The following MATCAP2 variants were observed in gnomAD, a reference collection of about 807,000 sequenced individuals.
MATCAP2 encodes the protein putative tyrosine carboxypeptidase MATCAP2.
At chr7:36,347,939 C>G in the MATCAP2 span, among the ~76,000 whole-genome samples, 1 of 152,182 alleles carries the variant, frequency 6.6e-6, no homozygotes, top group African/African-American at 2.4e-5. Flanking sequence ...AAGCAGTCAA[C>G]AAGATACTGT....
chr7:36,385,787 A>AAAAATAAAAT, the MATCAP2 span, among the ~76,000 whole-genome samples: 11,231 of 119,272 alleles, frequency 0.094, 700 homozygotes, highest in South Asian at 0.12. Context: ...CCCTATTTCA[A>AAAAATAAAAT]AAAATAAAAT....
chr7:36,384,367 G>A, the MATCAP2 span, among the ~76,000 whole-genome samples: 2 of 152,088 alleles, frequency 1.3e-5, no homozygotes, highest in South Asian at 4.1e-4. Flanking sequence ...TAAATAAGTA[G>A]GGAAGACACT....
the MATCAP2 span, chr7:36,366,972 G>T: frequency 7.4e-7 from 1 of 1,343,130 alleles, no homozygotes; most frequent in African/African-American, 1.5e-5. Flanking sequence ...GGCGGGCTCC[G>T]CGGGCTCAGG....
chr7:36,329,163 T>TAATC, the MATCAP2 span, among the ~76,000 whole-genome samples: 3 of 152,220 alleles, frequency 2.0e-5, no homozygotes, highest in South Asian at 2.1e-4. Context: ...CCACTAAATG[T>TAATC]AATCAAAATA....
At chr7:36,346,948 A>C in the MATCAP2 span, among the ~76,000 whole-genome samples, 1 of 152,080 alleles carries the variant, frequency 6.6e-6, no homozygotes, top group Non-Finnish European at 1.5e-5. Flanking sequence ...TTTAGTAGAG[A>C]CAGGGTTTCA....
At chr7:36,370,147 C>T in the MATCAP2 span, among the ~76,000 whole-genome samples, 1 of 152,198 alleles carries the variant, frequency 6.6e-6, no homozygotes, top group Admixed American at 6.5e-5. Flanking sequence ...TTTTACTATT[C>T]CCATCTATGC....
At chr7:36,380,494 T>C in the MATCAP2 span, among the ~76,000 whole-genome samples, 7 of 152,282 alleles carry the variant, frequency 4.6e-5, no homozygotes, top group South Asian at 8.3e-4. Context: ...CAGTTAGAGA[T>C]TAGCAAGTTA....
chr7:36,377,658 G>A, the MATCAP2 span, among the ~76,000 whole-genome samples: 35 of 152,146 alleles, frequency 2.3e-4, no homozygotes, highest in Non-Finnish European at 3.7e-4. Context: ...GCCTTGCTAG[G>A]TTGGGGAAGT....
chr7:36,379,847 C>CAGAGAGAGAGAGAGAG, the MATCAP2 span, among the ~76,000 whole-genome samples: 9 of 107,698 alleles, frequency 8.4e-5, no homozygotes, highest in East Asian at 1.8e-3. Context: ...CACACACACA[C>CAGAGAGAGAGAGAGAG]AGAGAGAGAG....
chr7:36,375,170 T>C, the MATCAP2 span, among the ~76,000 whole-genome samples: 2 of 152,192 alleles, frequency 1.3e-5, no homozygotes, highest in Non-Finnish European at 2.9e-5. Flanking sequence ...TGTAAAAGCG[T>C]TCCTATTTCT....
the MATCAP2 span, among the ~76,000 whole-genome samples, chr7:36,378,369 C>G: frequency 4.6e-5 from 7 of 152,206 alleles, no homozygotes; most frequent in African/African-American, 1.7e-4. Context: ...TGCTGGAGGT[C>G]CACTGCAGAC....
At chr7:36,389,161 A>G in the MATCAP2 span, among the ~76,000 whole-genome samples, 1 of 151,956 alleles carries the variant, frequency 6.6e-6, no homozygotes, top group East Asian at 1.9e-4. Flanking sequence ...TCCCAGTTCA[A>G]GCAATTCTCC....
At chr7:36,369,882 C>T in the MATCAP2 span, among the ~76,000 whole-genome samples, 1 of 152,080 alleles carries the variant, frequency 6.6e-6, no homozygotes, top group South Asian at 2.1e-4. Context: ...AATTTGATGC[C>T]TCTGTAGTTA....
chr7:36,375,052 C>A, the MATCAP2 span, among the ~76,000 whole-genome samples: 1 of 152,174 alleles, frequency 6.6e-6, no homozygotes, highest in African/African-American at 2.4e-5. Flanking sequence ...TGGGTATATA[C>A]CCAGTAATGG....
the MATCAP2 span, among the ~76,000 whole-genome samples, chr7:36,335,663 A>C: frequency 6.6e-6 from 1 of 152,274 alleles, no homozygotes. Context: ...AAACAAAAAG[A>C]CACTGAACAC....
chr7:36,357,487 C>G, the MATCAP2 span: 7 of 1,613,846 alleles, frequency 4.3e-6, no homozygotes, highest in Middle Eastern at 1.6e-4. Context: ...TTAGCACTCC[C>G]GAGGACAAAT....
chr7:36,366,904 C>G, the MATCAP2 span: 1 of 1,462,376 alleles, frequency 6.8e-7, no homozygotes, highest in African/African-American at 1.5e-5. Flanking sequence ...GCCAGCCCTT[C>G]CCGGCACTCA....
the MATCAP2 span, among the ~76,000 whole-genome samples, chr7:36,373,890 T>A: frequency 6.6e-6 from 1 of 152,030 alleles, no homozygotes; most frequent in African/African-American, 2.4e-5. Context: ...GTTCAAGCGA[T>A]TCTCCTGCCT....
At chr7:36,368,256 T>G in the MATCAP2 span, 1 of 152,140 alleles carries the variant, frequency 6.6e-6, no homozygotes, top group African/African-American at 2.4e-5. Context: ...CAGTTAAATT[T>G]TCTCTTCATC....
Sources: gnomAD v4.1 joint callset for allele counts (sites outside exome capture counted in the v4.1 genomes callset) on GRCh38, gnomAD v4.1.1 for gene constraint, MANE v1.5 for transcripts, NCBI Gene and HGNC (gene_info 2026-07-23, HGNC 2026-07-21) for gene names.